The following NAALADL2 variants were observed in gnomAD, a reference collection of about 807,000 sequenced individuals.
The protein encoded by NAALADL2 is inactive N-acetylated-alpha-linked acidic dipeptidase-like protein 2.
NAALADL2 carries 76 observed loss-of-function variants against 87.2 expected under a neutral mutation model. That is an observed-to-expected ratio of 0.87 (90% CI 0.72 to 1.05). The LOEUF is 1.05. Among genes scored for constraint, NAALADL2 ranks in the 50% least tolerant of loss-of-function variants. The pLI, the probability that NAALADL2 is intolerant of heterozygous loss-of-function variation, is 0.00. For missense variants in NAALADL2, 1,089 were observed against 945.8 expected, an observed-to-expected ratio of 1.15 and a Z score of -1.99; for synonymous variants, 354 against 331.0, an observed-to-expected ratio of 1.07 and a Z score of -0.75.
intron 2 of NAALADL2, among the ~76,000 whole-genome samples, chr3:175,215,796 G>T (rs1580966915): frequency 6.6e-6 from 1 of 152,150 alleles, no homozygotes; most frequent in East Asian, 1.9e-4. Context: ...GTCAATTCAG[G>T]ACCTGCTTTT....
At chr3:174,823,823 G>A (rs1464952527) in intron 3 of NAALADL2, among the ~76,000 whole-genome samples, 1 of 152,146 alleles carries the variant, frequency 6.6e-6, no homozygotes, top group East Asian at 1.9e-4. Context: ...CTATTCTCCT[G>A]CCTCAGCCTC....
At chr3:175,627,424 T>G (rs1176948905) in intron 11 of NAALADL2, 38 bp downstream of exon 11, 5 of 1,309,782 alleles carry the variant, frequency 3.8e-6, no homozygotes, top group Non-Finnish European at 5.3e-6. Flanking sequence ...GTGAGAAATA[T>G]TTGTTCTTCT....
chr3:175,653,298 C>G (rs1184865628), intron 11 of NAALADL2, among the ~76,000 whole-genome samples: 1 of 151,994 alleles, frequency 6.6e-6, no homozygotes, highest in African/African-American at 2.4e-5. Flanking sequence ...CCTTCTTCCA[C>G]CATTTTCTTT....
chr3:175,628,487 A>G (rs1314315240), intron 11 of NAALADL2, among the ~76,000 whole-genome samples: 3 of 151,180 alleles, frequency 2.0e-5, no homozygotes, highest in Non-Finnish European at 4.4e-5. Flanking sequence ...TGTTCCTGAC[A>G]TCACATGGCA....
Position 174,488,168 on chromosome 3 carries a change from G to A in NAALADL2, c.-184+47136G>A, listed in dbSNP as rs530403343. Among the ~76,000 whole-genome samples the A allele has an allele frequency of 1.1e-4, 17 of 152,010 alleles. No individual in the cohort carries two copies. In the South Asian group the frequency reaches 3.1e-3, roughly 28 times the overall value. On this transcript the variant is annotated intron_variant, in intron 1 of 3. Coordinates refer to the NAALADL2 transcript ENST00000434257. ...GCCTTTAGCACCAAAGTCATATACT[G>A]CTTATATATTACTTTACATAAAACA... is the stretch of plus-strand genomic sequence containing the variant.
chr3:174,988,403 A>G (rs1579888824), intron 1 of NAALADL2, among the ~76,000 whole-genome samples: 1 of 152,372 alleles, frequency 6.6e-6, no homozygotes, highest in East Asian at 1.9e-4. Flanking sequence ...AACGGTAACC[A>G]TGTAATATAG....
chr3:175,319,299 A>G (rs1212183998), intron 4 of NAALADL2, among the ~76,000 whole-genome samples: 1 of 152,200 alleles, frequency 6.6e-6, no homozygotes, highest in Non-Finnish European at 1.5e-5. Context: ...TAGGTTCTCA[A>G]TGTTAGTTTA....
chr3:174,441,463 G>A (rs567455121), intron 1 of NAALADL2, among the ~76,000 whole-genome samples: 3 of 152,276 alleles, frequency 2.0e-5, no homozygotes, highest in Non-Finnish European at 4.4e-5. Context: ...GCGCGCTAGC[G>A]GGGCGCAGGT....
intron 9 of NAALADL2, among the ~76,000 whole-genome samples, chr3:175,560,171 T>C (rs931423340): frequency 7.2e-5 from 11 of 152,196 alleles, no homozygotes; most frequent in African/African-American, 2.7e-4. Flanking sequence ...GTAGGTTGTA[T>C]GTGTCAAGGA....
intron 1 of NAALADL2, among the ~76,000 whole-genome samples, chr3:174,890,813 AAATAT>A (rs1236356606): frequency 1.3e-5 from 2 of 152,310 alleles, no homozygotes; most frequent in Non-Finnish European, 2.9e-5. Context: ...ATTACTAAAT[AAATAT>A]AAGATAGGAA....
intron 2 of NAALADL2, among the ~76,000 whole-genome samples, chr3:174,571,261 A>G (rs1235787672): frequency 2.0e-5 from 3 of 152,184 alleles, no homozygotes; most frequent in African/African-American, 7.2e-5. Context: ...GTAAACTAAA[A>G]AACAGAAAAA....
At chr3:174,878,777 CT>C (rs1374213400) in intron 1 of NAALADL2, among the ~76,000 whole-genome samples, 1 of 151,942 alleles carries the variant, frequency 6.6e-6, no homozygotes, top group African/African-American at 2.4e-5. Context: ...TGACATCTGA[CT>C]TTTTTTCATA....
At chr3:174,799,295 T>C (rs994497620) in intron 3 of NAALADL2, among the ~76,000 whole-genome samples, 1 of 152,192 alleles carries the variant, frequency 6.6e-6, no homozygotes, top group African/African-American at 2.4e-5. Context: ...GGACATCTGA[T>C]ATGGTTTGGC....
chr3:174,950,795 T>C (rs1740227070), intron 1 of NAALADL2, among the ~76,000 whole-genome samples: 1 of 152,138 alleles, frequency 6.6e-6, no homozygotes, highest in African/African-American at 2.4e-5. Context: ...ACAAAAATAA[T>C]AAAATAGAAA....
intron 11 of NAALADL2, among the ~76,000 whole-genome samples, chr3:175,659,958 G>A (rs937254382): frequency 7.2e-5 from 11 of 152,078 alleles, no homozygotes; most frequent in African/African-American, 2.7e-4. Flanking sequence ...TTATAAACAG[G>A]AATTAATTGC....
At chr3:174,739,313 T>C (rs1385797614) in intron 3 of NAALADL2, among the ~76,000 whole-genome samples, 1 of 152,120 alleles carries the variant, frequency 6.6e-6, no homozygotes, top group Admixed American at 6.6e-5. Context: ...CAAGACAGTA[T>C]ACTCTTAGAA....
At chr3:175,095,311 AT>A (rs1720959891) in intron 1 of NAALADL2, among the ~76,000 whole-genome samples, 1 of 151,604 alleles carries the variant, frequency 6.6e-6, no homozygotes, top group South Asian at 2.1e-4. Flanking sequence ...CACTTTGCAT[AT>A]TTTATCTGAC....
intron 2 of NAALADL2, among the ~76,000 whole-genome samples, chr3:175,110,255 G>A (rs999697192): frequency 1.3e-5 from 2 of 151,734 alleles, no homozygotes; most frequent in African/African-American, 4.8e-5. Context: ...ATTTTAATCA[G>A]TTGCAATCAT....
chr3:174,990,573 T>C (rs1012383103), intron 1 of NAALADL2, among the ~76,000 whole-genome samples: 1 of 152,084 alleles, frequency 6.6e-6, no homozygotes, highest in African/African-American at 2.4e-5. Flanking sequence ...TTAAAAGTTG[T>C]ATATATGGAA....
Sources: allele counts gnomAD v4.1 joint callset (sites outside exome capture counted in the v4.1 genomes callset), GRCh38; gene constraint gnomAD v4.1.1; transcripts MANE v1.5; gene names NCBI Gene and HGNC (gene_info 2026-07-23, HGNC 2026-07-21).